GPC3: variants seen among roughly 807,000 people sequenced by gnomAD.
The protein encoded by GPC3 is glypican 3, also known as glypican-3.
Under a neutral mutation model 34.4 loss-of-function variants are expected in GPC3, and 3 were observed. That is an observed-to-expected ratio of 0.09 (90% confidence interval 0.04 to 0.23). GPC3 has a LOEUF of 0.23. Ranked by LOEUF, GPC3 falls within the 10% of genes least tolerant of loss-of-function variation. GPC3 has a pLI of 1.00. For synonymous variants in GPC3, 177 were observed against 174.0 expected (o/e 1.02, Z -0.13); for missense variants, 351 against 445.6 (o/e 0.79, Z 1.91).
Position 133,951,047 on chromosome X carries a change from A to AGTGTGTGTGTGTGT in GPC3, c.337+1989_337+2002dup, listed in dbSNP as rs373690687. Among the ~76,000 whole-genome samples, 204 of 76,697 alleles carry AGTGTGTGTGTGTGT rather than the reference A, an allele frequency of 2.7e-3. 2 individuals carry two copies. Among genetic ancestry groups the AGTGTGTGTGTGTGT allele is most frequent in the East Asian group, 5.9e-3 (13 of 2,195 alleles). 66.6% of individuals were successfully genotyped at this position (76,697 alleles called of 115,157 possible). On this transcript the variant is annotated intron_variant, in intron 2 of 7. Coordinates refer to ENST00000370818, the MANE Select transcript of GPC3 (RefSeq NM_004484.4). ...TCTGTCTATCCCCACAATTCAAGAAAGTGTGTGTGTGTGTGTGTGTGTGTG... is the reference window on the plus strand; with the variant it reads ...TCTGTCTATCCCCACAATTCAAGAAAGTGTGTGTGTGTGTGTGTGTGTGTGTGTGTGTGTGTGTG...
At chrX:133,699,570 G>A (rs1162312183) in intron 4 of GPC3, among the ~76,000 whole-genome samples, 2 of 112,069 alleles carry the variant, frequency 1.8e-5, no homozygotes, top group African/African-American at 3.2e-5. Flanking sequence ...AATGGGAAAA[G>A]CTACAAAGCA....
At chrX:133,604,798 AC>A (rs1451601564) in intron 6 of GPC3, among the ~76,000 whole-genome samples, 1 of 111,698 alleles carries the variant, frequency 9.0e-6, no homozygotes, top group African/African-American at 3.3e-5. Context: ...GGCTTATAAA[AC>A]TGATTTTGAA....
intron 2 of GPC3, among the ~76,000 whole-genome samples, chrX:133,947,670 C>T (rs2076374889): frequency 9.0e-6 from 1 of 111,668 alleles, no homozygotes. Flanking sequence ...CAAAATATGC[C>T]TTTGAGTTGG....
chrX:133,882,535 T>TTGTGTG (rs3831709), intron 2 of GPC3, among the ~76,000 whole-genome samples: 1 of 105,784 alleles, frequency 9.5e-6, no homozygotes, highest in African/African-American at 3.4e-5. Flanking sequence ...TTTCTACAGT[T>TTGTGTG]TGTGTGTGTG....
intron 2 of GPC3, among the ~76,000 whole-genome samples, chrX:133,843,387 C>T (rs1012058528): frequency 9.0e-6 from 1 of 111,333 alleles, no homozygotes; most frequent in Non-Finnish European, 1.9e-5. Context: ...ACCTCTACCT[C>T]TCTTTTGTTC....
intron 5 of GPC3, among the ~76,000 whole-genome samples, chrX:133,670,061 T>C (rs1338858358): frequency 8.9e-6 from 1 of 111,944 alleles, no homozygotes; most frequent in Non-Finnish European, 1.9e-5. Context: ...CATGCTTGTC[T>C]TGGGACAGTT....
At chrX:133,805,208 A>G (rs1255248773) in intron 2 of GPC3, among the ~76,000 whole-genome samples, 1 of 112,211 alleles carries the variant, frequency 8.9e-6, no homozygotes, top group Non-Finnish European at 1.9e-5. Flanking sequence ...GTGGGCAAAA[A>G]TCAAACAGAA....
chrX:133,950,334 T>A (rs2076386810), intron 2 of GPC3, among the ~76,000 whole-genome samples: 1 of 112,127 alleles, frequency 8.9e-6, no homozygotes, highest in Non-Finnish European at 1.9e-5. Context: ...GGGCAAAGGC[T>A]TCCTGCAAAT....
chrX:133,860,386 C>T (rs2075930697), intron 2 of GPC3, among the ~76,000 whole-genome samples: 1 of 110,973 alleles, frequency 9.0e-6, no homozygotes, highest in African/African-American at 3.3e-5. Flanking sequence ...AAAATCCTTT[C>T]CTCAAAGTAT....
intron 2 of GPC3, among the ~76,000 whole-genome samples, chrX:133,823,232 A>G (rs2075729767): frequency 9.2e-6 from 1 of 109,007 alleles, no homozygotes; most frequent in Non-Finnish European, 1.9e-5. Context: ...GATTCTTCAT[A>G]AGAAACCACA....
chrX:133,865,568 C>A (rs1353799672), intron 2 of GPC3, among the ~76,000 whole-genome samples: 2 of 111,733 alleles, frequency 1.8e-5, no homozygotes, highest in Non-Finnish European at 3.8e-5. Context: ...TTGGTTGCTG[C>A]AACAAAAATC....
chrX:133,779,855 A>G (rs1222573591), intron 2 of GPC3, among the ~76,000 whole-genome samples: 1 of 111,555 alleles, frequency 9.0e-6, no homozygotes, highest in East Asian at 2.8e-4. Context: ...CATTGCTACA[A>G]TCCTTGCCCA....
intron 2 of GPC3, 108 bp downstream of exon 2, chrX:133,952,942 C>T: frequency 1.4e-6 from 1 of 727,641 alleles, no homozygotes; most frequent in African/African-American, 2.1e-5. Context: ...TAATAGCAAG[C>T]ATTAATGCTG....
intron 6 of GPC3, among the ~76,000 whole-genome samples, chrX:133,612,000 C>T (rs768964347): frequency 8.9e-6 from 1 of 112,339 alleles, no homozygotes; most frequent in Non-Finnish European, 1.9e-5. Flanking sequence ...GAGTGCACAA[C>T]AAATTCACAT....
intron 3 of GPC3, among the ~76,000 whole-genome samples, chrX:133,700,634 C>T (rs1303646718): frequency 1.2e-4 from 13 of 111,214 alleles, no homozygotes; most frequent in African/African-American, 3.9e-4. Context: ...TCCAGCACTT[C>T]GGGAGGCTGA....
At chrX:133,692,129 A>T (rs1053887138) in intron 5 of GPC3, among the ~76,000 whole-genome samples, 1 of 111,916 alleles carries the variant, frequency 8.9e-6, no homozygotes, top group Admixed American at 9.5e-5. Flanking sequence ...TTGTATTTTT[A>T]GTAGAGTTGG....
intron 2 of GPC3, among the ~76,000 whole-genome samples, chrX:133,774,700 T>C (rs868706615): frequency 2.7e-5 from 3 of 111,935 alleles, no homozygotes; most frequent in Non-Finnish European, 5.6e-5. Context: ...TGGCTCTATA[T>C]GGTAAGTACC....
chrX:133,871,813 C>T (rs918608519), intron 2 of GPC3, among the ~76,000 whole-genome samples: 1 of 112,138 alleles, frequency 8.9e-6, no homozygotes, highest in African/African-American at 3.2e-5. Context: ...GGTGCCAACA[C>T]ATTTAGTTCC....
intron 5 of GPC3, among the ~76,000 whole-genome samples, chrX:133,689,743 T>C (rs1487821532): frequency 8.9e-6 from 1 of 112,102 alleles, no homozygotes; most frequent in Non-Finnish European, 1.9e-5. Flanking sequence ...AGTAAATAAA[T>C]ATATTTGTAA....
Sources: allele counts gnomAD v4.1 joint callset (sites outside exome capture counted in the v4.1 genomes callset), GRCh38; gene constraint gnomAD v4.1.1; transcripts MANE v1.5; gene names NCBI Gene and HGNC (gene_info 2026-07-23, HGNC 2026-07-21).